NRG1: variants seen among roughly 807,000 people sequenced by gnomAD.
The protein encoded by NRG1 is pro-neuregulin-1, membrane-bound isoform.
A neutral mutation model predicts 63.8 loss-of-function variants in NRG1; 18 were observed. The ratio of observed to expected loss-of-function variants is 0.28; its 90% CI spans 0.19 to 0.42. NRG1 has a LOEUF of 0.42. NRG1 is among the 10% of genes least tolerant of loss of function. The probability of loss-of-function intolerance (pLI) is 1.00; values close to 1 mark genes in which losing one functional copy is unlikely to be tolerated. For missense variants in NRG1, 762 were observed against 814.7 expected (o/e 0.94, Z 0.79); for synonymous variants, 302 against 301.3 (o/e 1.00, Z -0.02).
At chr8:32,559,245 T>TAAAAAAAGAAAAAAAAAAAAAAAA (rs1835848343) in intron 1 of NRG1, among the ~76,000 whole-genome samples, 1 of 96,790 alleles carries the variant, frequency 1.0e-5, no homozygotes, top group Non-Finnish European at 2.0e-5. Context: ...CTCTAAAATG[T>TAAAAAAAGAAAAAAAAAAAAAAAA]AAAAAAAAAA....
intron 1 of NRG1, among the ~76,000 whole-genome samples, chr8:32,569,739 T>C (rs1237877597): frequency 2.1e-5 from 2 of 97,220 alleles, no homozygotes; most frequent in African/African-American, 5.7e-5. Flanking sequence ...TTTATTTTTA[T>C]TAAATTATTG....
chr8:31,778,837 A>G (rs985944393), intron 1 of NRG1, among the ~76,000 whole-genome samples: 1 of 152,224 alleles, frequency 6.6e-6, no homozygotes, highest in Non-Finnish European at 1.5e-5. Flanking sequence ...GTGCATGTGC[A>G]GGAGGACTGT....
intron 1 of NRG1, among the ~76,000 whole-genome samples, chr8:31,994,217 G>A (rs1025526617): frequency 6.6e-6 from 1 of 151,940 alleles, no homozygotes; most frequent in Non-Finnish European, 1.5e-5. Context: ...GAGTGCTTCA[G>A]ATTGAGAGAC....
At chr8:32,107,865 GCTT>G (rs1831479888) in intron 1 of NRG1, among the ~76,000 whole-genome samples, 1 of 152,000 alleles carries the variant, frequency 6.6e-6, no homozygotes, top group Admixed American at 6.6e-5. Context: ...ATGTATAAGT[GCTT>G]CTTTTTAAAA....
chr8:32,647,410 G>A (rs1182424278), intron 5 of NRG1: 1 of 985,278 alleles, frequency 1.0e-6, no homozygotes, highest in African/African-American at 1.7e-5. Context: ...CGGCAGCTCC[G>A]TCGATCTATT....
intron 7 of NRG1, among the ~76,000 whole-genome samples, chr8:32,750,481 G>A (rs113196664): frequency 4.6e-5 from 7 of 152,032 alleles, no homozygotes; most frequent in Admixed American, 2.6e-4. Context: ...CTGCAGTCCC[G>A]GACCATGGTT....
chr8:32,366,036 T>C (rs1807931638), intron 1 of NRG1, among the ~76,000 whole-genome samples: 1 of 152,190 alleles, frequency 6.6e-6, no homozygotes. Context: ...ATGAGGTCAG[T>C]TGCTCCTCAA....
chr8:32,161,009 T>C (rs995811083), intron 1 of NRG1, among the ~76,000 whole-genome samples: 1 of 152,164 alleles, frequency 6.6e-6, no homozygotes, highest in Non-Finnish European at 1.5e-5. Flanking sequence ...AAATTGATCA[T>C]ATATGTATAA....
exon 12 of NRG1, chr8:32,766,063 A>T (rs1166728093): frequency 6.6e-6 from 1 of 152,114 alleles, no homozygotes; most frequent in Non-Finnish European, 1.5e-5. Context: ...TTATCGGGGG[A>T]TTCATGAAGT....
intron 1 of NRG1, among the ~76,000 whole-genome samples, chr8:31,718,998 C>T (rs2131296517): frequency 6.6e-6 from 1 of 152,290 alleles, no homozygotes; most frequent in East Asian, 1.9e-4. Context: ...GTGGTACTTA[C>T]TGCCCTTGGT....
At chr8:32,237,580 G>T (rs1847700632) in intron 1 of NRG1, among the ~76,000 whole-genome samples, 1 of 152,070 alleles carries the variant, frequency 6.6e-6, no homozygotes, top group Non-Finnish European at 1.5e-5. Context: ...GAAGGTGATT[G>T]TGTTTTCCAG....
intron 1 of NRG1, among the ~76,000 whole-genome samples, chr8:31,683,855 G>T (rs971064933): frequency 6.6e-6 from 1 of 152,062 alleles, no homozygotes; most frequent in Non-Finnish European, 1.5e-5. Context: ...ACCTGAAACT[G>T]CTCTAAAGTA....
intron 1 of NRG1, among the ~76,000 whole-genome samples, chr8:31,876,562 A>T (rs1287126432): frequency 6.6e-6 from 1 of 152,092 alleles, no homozygotes; most frequent in Non-Finnish European, 1.5e-5. Context: ...GTAAATAATG[A>T]CTCTTGTAAC....
intron 1 of NRG1, among the ~76,000 whole-genome samples, chr8:32,281,097 T>C (rs530811322): frequency 6.6e-6 from 1 of 151,632 alleles, no homozygotes; most frequent in Admixed American, 6.6e-5. Flanking sequence ...GTTACATGGG[T>C]AAATTGCATG....
chr8:32,707,965 A>G (rs1464329403), intron 5 of NRG1, among the ~76,000 whole-genome samples: 1 of 151,984 alleles, frequency 6.6e-6, no homozygotes, highest in African/African-American at 2.4e-5. Flanking sequence ...TTTTTAATCT[A>G]CAGGGATACC....
chr8:32,408,692 C>G (rs549139859), intron 1 of NRG1, among the ~76,000 whole-genome samples: 1 of 152,260 alleles, frequency 6.6e-6, no homozygotes, highest in African/African-American at 2.4e-5. Context: ...TGAATGCACA[C>G]AGGGAATGCA....
At position 31,859,063 on chromosome 8, in the gene NRG1, C is replaced by T. The variant is rs1446514526; in HGVS notation, c.37+219632C>T. On this transcript the variant is annotated intron_variant, in intron 1 of 10. Transcript: ENST00000519301. Reference sequence around the variant, plus strand: ...ATTGGCAAAAAAGTGTTGATTGTAACGGTTCTTATTTTGATTAATAAAGAT... The same window carrying T: ...ATTGGCAAAAAAGTGTTGATTGTAATGGTTCTTATTTTGATTAATAAAGAT... Among the ~76,000 whole-genome samples, 10 of 152,144 alleles carry T rather than the reference C, an allele frequency of 6.6e-5. No individual in the cohort carries two copies. The East Asian group carries it at 9.7e-4, about 15-fold the overall frequency.
At chr8:32,446,815 C>T (rs968697066) in intron 1 of NRG1, among the ~76,000 whole-genome samples, 1 of 151,910 alleles carries the variant, frequency 6.6e-6, no homozygotes, top group Admixed American at 6.6e-5. Context: ...GAATAAAAGG[C>T]TTAAGAGGAT....
At chr8:32,370,565 G>T (rs1334271028) in intron 1 of NRG1, among the ~76,000 whole-genome samples, 2 of 151,920 alleles carry the variant, frequency 1.3e-5, no homozygotes, top group Non-Finnish European at 2.9e-5. Flanking sequence ...CTTAATTAAA[G>T]CTGTCTTACG....
Sources: gnomAD v4.1 joint callset for allele counts (sites outside exome capture counted in the v4.1 genomes callset) on GRCh38, gnomAD v4.1.1 for gene constraint, MANE v1.5 for transcripts, NCBI Gene and HGNC (gene_info 2026-07-23, HGNC 2026-07-21) for gene names.